NKAIN2: variants seen among roughly 807,000 people sequenced by gnomAD.
NKAIN2 encodes sodium/potassium transporting ATPase interacting 2, also known as sodium/potassium-transporting ATPase subunit beta-1-interacting protein 2.
NKAIN2 carries 14 observed loss-of-function variants against 32.6 expected under a neutral mutation model. That is an observed-to-expected ratio of 0.43 (90% CI 0.28 to 0.67). The LOEUF (loss-of-function observed/expected upper bound fraction) is 0.67. NKAIN2 is among the 30% of genes least tolerant of loss of function. The pLI is 0.17. For synonymous variants in NKAIN2, 80 were observed against 87.2 expected, an observed-to-expected ratio of 0.92 and a Z score of 0.46; for missense variants, 198 against 258.3, an observed-to-expected ratio of 0.77 and a Z score of 1.60.
intron 1 of NKAIN2, among the ~76,000 whole-genome samples, chr6:124,132,958 G>C (rs1182408582): frequency 6.6e-6 from 1 of 152,228 alleles, no homozygotes; most frequent in Non-Finnish European, 1.5e-5. Flanking sequence ...AATCTGAACA[G>C]TGGGCCTCAA....
intron 1 of NKAIN2, among the ~76,000 whole-genome samples, chr6:123,809,998 T>C (rs926125240): frequency 6.6e-6 from 1 of 152,216 alleles, no homozygotes; most frequent in Non-Finnish European, 1.5e-5. Flanking sequence ...TTGTTATGCA[T>C]TTAAAAATCT....
In NKAIN2 at chr6:124,779,103, G is replaced by T. The variant is rs551099455; in HGVS notation, c.475-12236G>T. ...AATTATACAAAAATTAGCTGGGCGTGGTGGCACAGGCTTGTAATCCCAGAT... is the reference window on the plus strand; with the variant it reads ...AATTATACAAAAATTAGCTGGGCGTTGTGGCACAGGCTTGTAATCCCAGAT... On this transcript the variant is annotated intron_variant, in intron 4 of 6. Transcript: ENST00000368417. Among the ~76,000 whole-genome samples the T allele has an allele frequency of 2.0e-3, 306 of 152,090 alleles. 1 individual carries two copies. The highest frequency in any genetic ancestry group is 1.8e-3 in the Non-Finnish European group (122 of 68,004).
chr6:124,049,471 T>C (rs1331805780), intron 1 of NKAIN2, among the ~76,000 whole-genome samples: 1 of 152,034 alleles, frequency 6.6e-6, no homozygotes. Context: ...CAAATGTAGC[T>C]ACTTTGTCTG....
chr6:124,464,107 C>T (rs1271416398), intron 3 of NKAIN2, among the ~76,000 whole-genome samples: 2 of 152,078 alleles, frequency 1.3e-5, no homozygotes, highest in African/African-American at 4.8e-5. Flanking sequence ...CATGCCCCAG[C>T]CTCCTGAGTA....
At chr6:124,042,167 T>A (rs557458109) in intron 1 of NKAIN2, among the ~76,000 whole-genome samples, 5 of 152,238 alleles carry the variant, frequency 3.3e-5, no homozygotes, top group African/African-American at 9.6e-5. Flanking sequence ...TGGACCAATG[T>A]TTTTGTTAAA....
intron 3 of NKAIN2, among the ~76,000 whole-genome samples, chr6:124,533,242 T>A (rs1779590823): frequency 6.6e-6 from 1 of 151,698 alleles, no homozygotes; most frequent in African/African-American, 2.4e-5. Flanking sequence ...AAATGGTAAT[T>A]TAAAAATTCC....
At chr6:124,452,895 C>T (rs1206419296) in intron 3 of NKAIN2, among the ~76,000 whole-genome samples, 5 of 152,078 alleles carry the variant, frequency 3.3e-5, no homozygotes, top group Non-Finnish European at 7.4e-5. Context: ...GGTCATGTTA[C>T]ATCTAACCCA....
At chr6:124,410,627 A>G (rs540662856) in intron 3 of NKAIN2, among the ~76,000 whole-genome samples, 13 of 152,266 alleles carry the variant, frequency 8.5e-5, no homozygotes, top group Admixed American at 2.6e-4. Context: ...CATGTGGTCA[A>G]TTTTGGAATA....
intron 1 of NKAIN2, among the ~76,000 whole-genome samples, chr6:124,139,079 A>ATTTTTGT (rs1786996104): frequency 1.0e-5 from 1 of 99,470 alleles, no homozygotes; most frequent in African/African-American, 4.2e-5. Flanking sequence ...TTAAATAAAA[A>ATTTTTGT]TTTTTTTTTT....
At position 124,653,676 on chromosome 6, in the gene NKAIN2, A is replaced by C. The variant is rs187513639; in HGVS notation, c.274-4510A>C. Among the ~76,000 whole-genome samples, 6 of 152,280 alleles carry C rather than the reference A, an allele frequency of 3.9e-5. No homozygotes were observed. The East Asian group carries it at 1.2e-3, about 29-fold the overall frequency. On this transcript the variant is annotated intron_variant, in intron 3 of 6. Coordinates refer to ENST00000368417, the MANE Select transcript of NKAIN2 (RefSeq NM_001040214.3). ...ACAAGCTGTCCTTAGTTAAAATTTA[A>C]AAACTTCTTTCTGAAAGTATTATCA...
intron 3 of NKAIN2, among the ~76,000 whole-genome samples, chr6:124,601,409 T>G (rs796313005): frequency 7.9e-5 from 12 of 152,228 alleles, no homozygotes; most frequent in African/African-American, 2.9e-4. Flanking sequence ...CAGCTCCTTT[T>G]TTCAAATTAA....
At chr6:124,293,840 T>C (rs1795929477) in intron 2 of NKAIN2, among the ~76,000 whole-genome samples, 1 of 152,130 alleles carries the variant, frequency 6.6e-6, no homozygotes, top group South Asian at 2.1e-4. Context: ...ACACCTCATT[T>C]CTGCTTTTTT....
At chr6:124,078,214 T>C (rs991006399) in intron 1 of NKAIN2, among the ~76,000 whole-genome samples, 6 of 152,186 alleles carry the variant, frequency 3.9e-5, no homozygotes, top group African/African-American at 7.2e-5. Context: ...ATATGTAATG[T>C]AGTGTTTCTG....
At chr6:124,442,186 G>A (rs1775719288) in intron 3 of NKAIN2, among the ~76,000 whole-genome samples, 2 of 152,102 alleles carry the variant, frequency 1.3e-5, no homozygotes, top group South Asian at 4.2e-4. Flanking sequence ...CTTTGCCACT[G>A]TCTGTGAGTC....
chr6:124,753,025 T>C (rs1469155206), intron 4 of NKAIN2, among the ~76,000 whole-genome samples: 1 of 152,120 alleles, frequency 6.6e-6, no homozygotes, highest in African/African-American at 2.4e-5. Context: ...AAGCCAGTTT[T>C]CACTGAAGAG....
At chr6:124,721,767 A>C (rs1776030760) in intron 4 of NKAIN2, among the ~76,000 whole-genome samples, 1 of 152,170 alleles carries the variant, frequency 6.6e-6, no homozygotes, top group African/African-American at 2.4e-5. Context: ...TTGGTGCCTC[A>C]ATGTACTGTC....
intron 2 of NKAIN2, among the ~76,000 whole-genome samples, chr6:124,296,175 TCTC>T (rs1298007120): frequency 4.6e-5 from 7 of 152,096 alleles, no homozygotes; most frequent in Non-Finnish European, 7.4e-5. Flanking sequence ...AGCTTTCACT[TCTC>T]CTTGTATATT....
chr6:124,318,976 G>T (rs1223991976), intron 2 of NKAIN2, among the ~76,000 whole-genome samples: 1 of 152,000 alleles, frequency 6.6e-6, no homozygotes, highest in Admixed American at 6.6e-5. Context: ...ATTTAACACA[G>T]AATTATAATC....
At chr6:124,031,660 G>A (rs746615325) in intron 1 of NKAIN2, among the ~76,000 whole-genome samples, 1 of 152,008 alleles carries the variant, frequency 6.6e-6, no homozygotes, top group Non-Finnish European at 1.5e-5. Context: ...CCTTCATTTT[G>A]TTATGTACCC....
Sources: gnomAD v4.1 joint callset for allele counts (sites outside exome capture counted in the v4.1 genomes callset) on GRCh38, gnomAD v4.1.1 for gene constraint, MANE v1.5 for transcripts, NCBI Gene and HGNC (gene_info 2026-07-23, HGNC 2026-07-21) for gene names.